The following WDPCP variants were observed in gnomAD, a reference collection of about 807,000 sequenced individuals.
The protein encoded by WDPCP is WD repeat-containing and planar cell polarity effector protein fritz homolog.
In WDPCP, 71 loss-of-function variants were observed where a neutral mutation model predicts 93.1. The ratio of observed to expected loss-of-function variants is 0.76; its 90% CI spans 0.63 to 0.93. The LOEUF is 0.93. Ranked by LOEUF, WDPCP falls within the 40% of genes least tolerant of loss-of-function variation. WDPCP has a pLI of 0.00. For missense variants in WDPCP, 844 were observed against 887.4 expected, an observed-to-expected ratio of 0.95 and a Z score of 0.62; for synonymous variants, 315 against 315.0, an observed-to-expected ratio of 1.00 and a Z score of 0.00.
At chr2:63,186,226 T>C (rs186853454) in intron 14 of WDPCP, among the ~76,000 whole-genome samples, 14 of 152,302 alleles carry the variant, frequency 9.2e-5, no homozygotes, top group African/African-American at 3.1e-4. Context: ...ATCTTGCCAC[T>C]TGGGGAAAAC....
At chr2:63,338,522 A>G (rs1688563694) in intron 12 of WDPCP, among the ~76,000 whole-genome samples, 1 of 144,310 alleles carries the variant, frequency 6.9e-6, no homozygotes, top group Admixed American at 7.2e-5. Context: ...ACTGCACTCC[A>G]GCCTGGGCAA....
chr2:63,421,693 G>A (rs1695874298), intron 9 of WDPCP, among the ~76,000 whole-genome samples: 1 of 152,076 alleles, frequency 6.6e-6, no homozygotes, highest in African/African-American at 2.4e-5. Context: ...GATTTTTAAT[G>A]TCTCTAAGTC....
intron 2 of WDPCP, among the ~76,000 whole-genome samples, chr2:63,738,281 T>C (rs868033552): frequency 6.6e-6 from 1 of 152,132 alleles, no homozygotes; most frequent in Non-Finnish European, 1.5e-5. Flanking sequence ...ATGGAGATGA[T>C]TGTATAATAT....
intron 6 of WDPCP, among the ~76,000 whole-genome samples, chr2:63,459,390 T>A (rs1698852883): frequency 6.6e-6 from 1 of 151,698 alleles, no homozygotes. Context: ...AAAAACTCAT[T>A]TAAAAAAATG....
Position 63,484,237 on chromosome 2 carries a change from A to G in WDPCP, c.384+367T>C, listed in dbSNP as rs952741674. On this transcript the variant is annotated intron_variant, in intron 6 of 17. Transcript: ENST00000272321. Reference sequence around the variant, plus strand: ...AGCAATGATATTCACAAATGCTTACAAGAGTAGTATGCCAAAAAGTCTTTT... The same window carrying G: ...AGCAATGATATTCACAAATGCTTACGAGAGTAGTATGCCAAAAAGTCTTTT... Among the ~76,000 whole-genome samples, 9 of 152,024 alleles carry G rather than the reference A, an allele frequency of 5.9e-5. No individual in the cohort carries two copies. In the East Asian group the frequency reaches 1.7e-3, roughly 29 times the overall value.
chr2:63,561,354 C>T (rs772506108), intron 1 of WDPCP, among the ~76,000 whole-genome samples: 2 of 151,808 alleles, frequency 1.3e-5, no homozygotes, highest in African/African-American at 2.4e-5. Context: ...GGCACACACC[C>T]GTAGTCCCAG....
intron 1 of WDPCP, among the ~76,000 whole-genome samples, chr2:63,565,905 T>C (rs1003271758): frequency 2.0e-5 from 3 of 152,240 alleles, no homozygotes; most frequent in Non-Finnish European, 4.4e-5. Context: ...CTGTCTATTC[T>C]ATATCCTAAA....
At chr2:63,689,838 C>T (rs1668864783) in intron 2 of WDPCP, among the ~76,000 whole-genome samples, 1 of 152,178 alleles carries the variant, frequency 6.6e-6, no homozygotes, top group Non-Finnish European at 1.5e-5. Context: ...ACTTCCAGGG[C>T]CTATTCAATC....
chr2:63,270,716 G>A (rs931070144), intron 13 of WDPCP, among the ~76,000 whole-genome samples: 1 of 152,136 alleles, frequency 6.6e-6, no homozygotes, highest in Non-Finnish European at 1.5e-5. Flanking sequence ...GCAGGGAAAA[G>A]GTTAAAGTGA....
At chr2:63,180,379 C>T (rs762351485) in intron 14 of WDPCP, among the ~76,000 whole-genome samples, 1 of 152,128 alleles carries the variant, frequency 6.6e-6, no homozygotes, top group Non-Finnish European at 1.5e-5. Flanking sequence ...GTCCATTATT[C>T]CATACTTTAT....
chr2:63,219,232 G>C (rs943496175), intron 14 of WDPCP, among the ~76,000 whole-genome samples: 6 of 152,176 alleles, frequency 3.9e-5, no homozygotes, highest in African/African-American at 1.4e-4. Context: ...TGACTTGTTT[G>C]AAACATCACT....
At chr2:63,144,814 G>T (rs888794489) in intron 17 of WDPCP, among the ~76,000 whole-genome samples, 6 of 152,082 alleles carry the variant, frequency 3.9e-5, no homozygotes, top group Admixed American at 6.5e-5. Flanking sequence ...GTGATTTTTT[G>T]GGGGTGTTGA....
Position 63,763,896 on chromosome 2 carries a change from C to A in WDPCP, n.308+49726G>T, listed in dbSNP as rs368969189. Reference sequence around the variant, plus strand: ...GGGGGAGGGTCACAGATGGCCAGATCTCTAGGGAATTCTATGACCTCAGTG... The same window carrying A: ...GGGGGAGGGTCACAGATGGCCAGATATCTAGGGAATTCTATGACCTCAGTG... On this transcript the variant is annotated intron_variant and non_coding_transcript_variant, in intron 2 of 4. Transcript: ENST00000467687. Among the ~76,000 whole-genome samples, 10 of 152,232 alleles carry A rather than the reference C, an allele frequency of 6.6e-5. No individual in the cohort carries two copies. In the East Asian group the frequency reaches 1.4e-3, roughly 21 times the overall value.
chr2:63,808,297 C>T (rs1670798065), intron 2 of WDPCP, among the ~76,000 whole-genome samples: 2 of 148,700 alleles, frequency 1.3e-5, no homozygotes, highest in Admixed American at 1.4e-4. Flanking sequence ...GCTCCCTCTC[C>T]CTCTCCCTCT....
chr2:63,185,984 A>G (rs2104153944), intron 14 of WDPCP, among the ~76,000 whole-genome samples: 1 of 152,250 alleles, frequency 6.6e-6, no homozygotes, highest in East Asian at 1.9e-4. Context: ...GCAGTCACCA[A>G]ATGCCTGGAG....
intron 14 of WDPCP, among the ~76,000 whole-genome samples, chr2:63,238,959 G>A (rs1472768101): frequency 6.6e-6 from 1 of 152,044 alleles, no homozygotes; most frequent in Non-Finnish European, 1.5e-5. Context: ...TCCTACCAGG[G>A]CCAATTTTGA....
In WDPCP at chr2:63,277,986, G is replaced by C. The variant is rs148500556; in HGVS notation, c.1813-18577C>G. 5.7e-3 allele frequency among the ~76,000 whole-genome samples: 864 copies of C among 152,202 alleles called. 10 individuals carry two copies. Among genetic ancestry groups the C allele is most frequent in the African/African-American group, 0.02 (815 of 41,528 alleles). The stretch of plus-strand genomic sequence containing the variant: ...AGCACATGGAACATTCTCCAAGACA[G>C]AGCATATGAAGACCATATGACAGGC... On this transcript the variant is annotated intron_variant, in intron 13 of 17. Transcript: ENST00000272321.
chr2:63,285,564 T>TA (rs1303821563), intron 13 of WDPCP, among the ~76,000 whole-genome samples: 5 of 150,438 alleles, frequency 3.3e-5, no homozygotes, highest in Middle Eastern at 3.4e-3. Context: ...AATAATAGAA[T>TA]AAAAAATATA....
Position 63,382,032 on chromosome 2 carries a change from C to T in WDPCP, c.1498G>A (p.Glu500Lys). The change falls in exon 11 of 18, where the codon GAG becomes AAG. Residue 500 changes from glutamate (E) to lysine (K), a missense_variant. Transcript: ENST00000272321. ...AGGATGTTTATTGCCTCATAGATCT[C>T]ATCACAGTGAATGTACTGGAAGATG... ...DIIFQYIHCD[E>K]IYEAINILSS... The T allele has an allele frequency of 6.2e-7, 1 of 1,613,402 alleles. No individual in the cohort carries two copies. The highest frequency in any genetic ancestry group is 8.5e-7 in the Non-Finnish European group (1 of 1,179,690).
Sources: allele counts gnomAD v4.1 joint callset (sites outside exome capture counted in the v4.1 genomes callset), GRCh38; gene constraint gnomAD v4.1.1; transcripts MANE v1.5; gene names NCBI Gene and HGNC (gene_info 2026-07-23, HGNC 2026-07-21).